The following TNKS1BP1 variants were observed in gnomAD, a reference collection of about 807,000 sequenced individuals.
TNKS1BP1 encodes the protein CCR4-NOT transcription complex subunit 12.
In TNKS1BP1, 48 loss-of-function variants were observed where a neutral mutation model predicts 141.1. That is an observed-to-expected ratio of 0.34 (90% CI 0.27 to 0.43). The LOEUF is 0.43. Ranked by LOEUF, TNKS1BP1 falls within the 20% of genes least tolerant of loss-of-function variation. The probability of loss-of-function intolerance (pLI) is 1.00; values close to 1 mark genes in which losing one functional copy is unlikely to be tolerated. For missense variants in TNKS1BP1, 2,149 were observed against 2,226.0 expected (o/e 0.97, Z 0.70); for synonymous variants, 875 against 898.2 (o/e 0.97, Z 0.46).
rs1375502775 is a variant in TNKS1BP1 at position 57,319,180 on chromosome 11, T to C, written c.728+899A>G. On this transcript the variant is annotated intron_variant, in intron 3 of 11. Transcript: ENST00000358252. ...AAAAAAAAAAAGATGTGTTCCTCTCTTACCTCTCCCATCAGATTCCACCTC... is the reference window on the plus strand; with the variant it reads ...AAAAAAAAAAAGATGTGTTCCTCTCCTACCTCTCCCATCAGATTCCACCTC... Among the ~76,000 whole-genome samples the C allele has an allele frequency of 2.0e-5, 3 of 150,332 alleles. No homozygotes were observed. In the East Asian group the frequency reaches 5.8e-4, roughly 29 times the overall value.
At chr11:57,316,229 G>C (rs920826600) in intron 4 of TNKS1BP1, among the ~76,000 whole-genome samples, 19 of 152,062 alleles carry the variant, frequency 1.2e-4, no homozygotes, top group Non-Finnish European at 5.9e-5. Flanking sequence ...CCCTCCCCCA[G>C]TCCTGGAGGC....
In TNKS1BP1 at chr11:57,308,782, T is replaced by C. The variant is rs146528537; in HGVS notation, c.3929A>G (p.Asp1310Gly). 1 of 1,613,846 alleles carries C rather than the reference T, an allele frequency of 6.2e-7. No homozygotes were observed. Among genetic ancestry groups the C allele is most frequent in the East Asian group, 2.2e-5 (1 of 44,868 alleles). ...CCTCAGGCCCAGATTGTTACCCCAG[T>C]CCATCTGGCCCACCCCAAGCTCTTT... ...ESKELGVGQM[D>G]WGNNLGLRDL... is the part of the protein sequence containing the mutation. Residue 1310 changes from aspartate (D) to glycine (G), a missense_variant, in exon 6 of 12, where the codon GAC becomes GGC. By Grantham distance (94) the Asp-to-Gly change is moderately conservative. Coordinates refer to ENST00000358252, the MANE Select transcript of TNKS1BP1 (RefSeq NM_033396.3).
chr11:57,300,849 G>GA, intron 10 of TNKS1BP1, 35 bp downstream of exon 10: 1 of 1,602,602 alleles, frequency 6.2e-7, no homozygotes, highest in Non-Finnish European at 8.5e-7. Flanking sequence ...GTAATACAGT[G>GA]AGGTCAGCGG....
intron 5 of TNKS1BP1, chr11:57,311,340 C>T (rs2134360096): frequency 1.0e-6 from 1 of 985,800 alleles, no homozygotes; most frequent in Non-Finnish European, 1.2e-6. Flanking sequence ...ACATGCTGGC[C>T]TCCCCATCCC....
In TNKS1BP1 at chr11:57,309,931, T is replaced by C; in HGVS notation, c.2780A>G (p.Asp927Gly). The C allele has an allele frequency of 3.1e-6, 5 of 1,614,192 alleles. No homozygotes were observed. The highest frequency in any genetic ancestry group is 3.4e-6 in the Non-Finnish European group (4 of 1,180,038). The change falls in exon 6 of 12, where the codon GAC (aspartate) becomes GGC (glycine). Residue 927 changes from aspartate (D) to glycine (G), a missense_variant. Physicochemically the swap from Asp to Gly is moderately conservative, Grantham distance 94 (BLOSUM62 -1). Coordinates refer to ENST00000358252, the MANE Select transcript of TNKS1BP1 (RefSeq NM_033396.3). This position sits in a 1 kb window ranked among gnomAD's most constrained non-coding sequence, Gnocchi z 4.3. ...RYSSQDADEQ[D>G]WEFQKRDVSL... Reference sequence around the variant, plus strand: ...CACATCTCTCTTCTGAAACTCCCAGTCCTGCTCATCGGCATCCTGGCTGCT... The same window carrying C: ...CACATCTCTCTTCTGAAACTCCCAGCCCTGCTCATCGGCATCCTGGCTGCT...
In TNKS1BP1 at chr11:57,313,143, C is replaced by T. The variant is rs1470150793; in HGVS notation, c.1545G>A (p.Leu515=). The change falls in exon 5 of 12, where the codon TTG becomes TTA. Residue 515 remains leucine, a synonymous_variant. Coordinates refer to ENST00000358252, the MANE Select transcript of TNKS1BP1 (RefSeq NM_033396.3). ...CTCCTTCTTCCCTGCTGGAAACGGC[C>T]AAGTTGCCAGCCTCAGCAGCCTCGG... ...EAAEAAEAGN[L]AVSSREEGVS... is the part of the protein sequence containing the mutation. 1.2e-6 allele frequency: 2 copies of T among 1,613,124 alleles called. No individual in the cohort carries two copies. Among genetic ancestry groups the T allele is most frequent in the Non-Finnish European group, 1.7e-6 (2 of 1,180,032 alleles).
chr11:57,308,337 T>C (rs760759677), intron 6 of TNKS1BP1, 58 bp downstream of exon 6: 21 of 1,536,286 alleles, frequency 1.4e-5, no homozygotes, highest in Non-Finnish European at 1.8e-5. Context: ...AGGTTCCGAT[T>C]TCTTGGACAG....
At chr11:57,321,356 A>G (rs1855882463) in intron 2 of TNKS1BP1, among the ~76,000 whole-genome samples, 1 of 152,170 alleles carries the variant, frequency 6.6e-6, no homozygotes, top group Admixed American at 6.5e-5. Flanking sequence ...CCTTCTATAT[A>G]AAGCTAAATG....
Position 57,313,238 on chromosome 11 carries a change from G to A in TNKS1BP1, c.1450C>T (p.Pro484Ser), listed in dbSNP as rs761373168. 1 of 1,612,882 alleles carries A rather than the reference G, an allele frequency of 6.2e-7. No individual in the cohort carries two copies. The highest frequency in any genetic ancestry group is 2.2e-5 in the East Asian group (1 of 44,880). Residue 484 changes from proline (P) to serine (S), a missense_variant, in exon 5 of 12, where the codon CCC (proline) becomes TCC (serine). By Grantham distance (74) the Pro-to-Ser change is moderately conservative (BLOSUM62 -1). Coordinates refer to ENST00000358252, the MANE Select transcript of TNKS1BP1 (RefSeq NM_033396.3). Reference sequence around the variant, plus strand: ...AGCCGCCACACGCCCAGACCCGAGGGCCTCGTGGGGAAGGTCCATTCGAAG... The same window carrying A: ...AGCCGCCACACGCCCAGACCCGAGGACCTCGTGGGGAAGGTCCATTCGAAG... ...QSFEWTFPTRPSGLGVWRLDS... is the reference protein window; with the variant it reads ...QSFEWTFPTRSSGLGVWRLDS...
At chr11:57,318,994 A>C (rs990062100) in intron 3 of TNKS1BP1, among the ~76,000 whole-genome samples, 7 of 151,966 alleles carry the variant, frequency 4.6e-5, no homozygotes, top group Non-Finnish European at 8.8e-5. Flanking sequence ...AATACAAAAA[A>C]ATTATCCGGG....
intron 1 of TNKS1BP1, 115 bp from the exon 2 acceptor site, chr11:57,322,065 T>C (rs1001956526): frequency 6.4e-6 from 2 of 310,940 alleles, no homozygotes; most frequent in South Asian, 3.6e-5. Flanking sequence ...AAGAGAGAAC[T>C]TGGAGTGGGG....
chr11:57,308,849 T>TCAGCC lies in TNKS1BP1; in HGVS notation c.3857_3861dup (p.Arg1288GlyfsTer2). The TCAGCC allele has an allele frequency of 6.2e-7, 1 of 1,614,074 alleles. No individual in the cohort carries two copies. The highest frequency in any genetic ancestry group is 8.5e-7 in the Non-Finnish European group (1 of 1,180,032). On this transcript the variant is annotated frameshift_variant, in exon 6 of 12. Coordinates refer to ENST00000358252, the MANE Select transcript of TNKS1BP1 (RefSeq NM_033396.3). LOFTEE classifies it high-confidence loss of function. ...CAGACTGCCCCTGGGGCCATGTTTCTCAGCCCAAGGTCAGGTGTCCAGTCT... is the reference window on the plus strand; with the variant it reads ...CAGACTGCCCCTGGGGCCATGTTTCTCAGCCCAGCCCAAGGTCAGGTGTCCAGTCT...
intron 4 of TNKS1BP1, among the ~76,000 whole-genome samples, chr11:57,316,435 C>T (rs141706667): frequency 3.0e-3 from 450 of 152,264 alleles, no homozygotes; most frequent in Non-Finnish European, 4.9e-3. Flanking sequence ...CCCAACCATC[C>T]GCTTGACGTT....
rs368066515 is a variant in TNKS1BP1, at chr11:57,302,632, G to C, written c.4510C>G (p.Pro1504Ala). ...EEVLEPGRDS[P>A]PSWRPQPDGE... ...TCAGGCTGCGGCCTCCAGGAGGGTGGAGAGTCCCTGCCAGGCTCCAGCACC... is the reference window on the plus strand; with the variant it reads ...TCAGGCTGCGGCCTCCAGGAGGGTGCAGAGTCCCTGCCAGGCTCCAGCACC... The change falls in exon 7 of 12, where the codon CCA (proline) becomes GCA (alanine). Residue 1504 changes from proline to alanine, a missense_variant. Coordinates refer to ENST00000358252, the MANE Select transcript of TNKS1BP1 (RefSeq NM_033396.3). The surrounding 1 kb of genome is among the most constrained non-coding windows in gnomAD (Gnocchi z 5.5). The C allele has an allele frequency of 1.1e-5, 17 of 1,611,344 alleles. No homozygotes were observed. In the African/African-American group the frequency reaches 2.1e-4, roughly 20 times the overall value.
chr11:57,324,847 C>G lies in TNKS1BP1; in HGVS notation c.-73G>C. On this transcript the variant is annotated 5_prime_UTR_variant, in exon 1 of 12. Coordinates refer to ENST00000358252, the MANE Select transcript of TNKS1BP1 (RefSeq NM_033396.3). ...CCGCCCCCGCGCACTCACGCGCTCG[C>G]CCGGGGTCCGGCTCCGCTCGGCTCG... is the stretch of plus-strand genomic sequence containing the variant. The G allele has an allele frequency of 2.0e-6, 2 of 986,234 alleles. No individual in the cohort carries two copies. The highest frequency in any genetic ancestry group is 2.4e-6 in the Non-Finnish European group (2 of 830,406). The allele number at this position is 986,234 out of a possible 1,614,324, so 61.1% of individuals were successfully genotyped here. A position where few individuals can be genotyped will look rare whatever the true frequency, so the allele number is the denominator to read the frequency against.
At position 57,302,143 on chromosome 11, in the gene TNKS1BP1, G is replaced by A. The variant is rs370650647; in HGVS notation, c.4765C>T (p.Arg1589Trp). 4.3e-5 allele frequency: 69 copies of A among 1,613,714 alleles called. No individual in the cohort carries two copies. Among genetic ancestry groups the A allele is most frequent in the South Asian group, 1.6e-4 (15 of 91,066 alleles). ...GACAGGCCCAAGGTACCCCCAGGCC[G>A]AATGACCGGGGCCCGGTGCCCACGC... ...RKRGHRAPVIRPGGTLGLSEA... is the reference protein window; with the variant it reads ...RKRGHRAPVIWPGGTLGLSEA... The change falls in exon 8 of 12, where the codon CGG becomes TGG. Residue 1589 changes from arginine to tryptophan, a missense_variant. Arg to Trp is a moderately radical substitution (Grantham distance 101). Transcript: ENST00000358252. The surrounding 1 kb of genome is among the most constrained non-coding windows in gnomAD (Gnocchi z 5.5).
chr11:57,308,510 C>T lies in TNKS1BP1; in HGVS notation c.4201G>A (p.Val1401Ile). Residue 1401 changes from valine (V) to isoleucine (I), a missense_variant, in exon 6 of 12, where the codon GTT (valine) becomes ATT (isoleucine). Val to Ile is a conservative substitution (Grantham distance 29, BLOSUM62 3). Transcript: ENST00000358252. ...RDPLEARELGVGETSGPETQG... is the reference protein window; with the variant it reads ...RDPLEARELGIGETSGPETQG... ...GTCTCTGGCCCACTTGTCTCACCAA[C>T]CCCCAGCTCCCTGGCCTCCAAGGGG... is the stretch of plus-strand genomic sequence containing the variant. 6.2e-7 allele frequency: 1 copy of T among 1,614,182 alleles called. No homozygotes were observed. The highest frequency in any genetic ancestry group is 8.5e-7 in the Non-Finnish European group (1 of 1,180,030).
At chr11:57,319,527 G>A (rs1855848905) in intron 3 of TNKS1BP1, among the ~76,000 whole-genome samples, 1 of 152,144 alleles carries the variant, frequency 6.6e-6, no homozygotes, top group Non-Finnish European at 1.5e-5. Flanking sequence ...CACTTTGGGA[G>A]GCCGAAGCAG....
Position 57,302,029 on chromosome 11 carries a change from G to A in TNKS1BP1, c.4834+45C>T, listed in dbSNP as rs756094165. ...AACCCCTGCAAAAGCTTGGCCTAAT[G>A]CCCTAGAGATCAAGAGACATCACCA... On this transcript the variant is annotated intron_variant, in intron 8 of 11. Coordinates refer to ENST00000358252, the MANE Select transcript of TNKS1BP1 (RefSeq NM_033396.3). This position sits in a 1 kb window ranked among gnomAD's most constrained non-coding sequence, Gnocchi z 5.5. The A allele has an allele frequency of 6.2e-7, 1 of 1,604,420 alleles. No individual in the cohort carries two copies. Among genetic ancestry groups the A allele is most frequent in the Non-Finnish European group, 8.5e-7 (1 of 1,172,144 alleles).
Sources: allele counts gnomAD v4.1 joint callset (sites outside exome capture counted in the v4.1 genomes callset), GRCh38; gene constraint gnomAD v4.1.1; non-coding constraint Gnocchi (gnomAD v3.1); transcripts MANE v1.5; gene names NCBI Gene and HGNC (gene_info 2026-07-23, HGNC 2026-07-21).